TET3: variants seen among roughly 807,000 people sequenced by gnomAD.
TET3 encodes tet methylcytosine dioxygenase 3, also known as methylcytosine dioxygenase TET3.
A neutral mutation model predicts 141.4 loss-of-function variants in TET3; 19 were observed. The observed-to-expected ratio is 0.13, with a 90% CI of 0.09 to 0.20. TET3 has a LOEUF of 0.20. TET3 is among the 10% of genes least tolerant of loss of function. TET3 has a pLI of 1.00. For missense variants in TET3, 1,874 were observed against 2,356.9 expected, an observed-to-expected ratio of 0.80 and a Z score of 4.24; for synonymous variants, 1,043 against 980.9, an observed-to-expected ratio of 1.06 and a Z score of -1.18.
intron 2 of TET3, among the ~76,000 whole-genome samples, chr2:73,998,104 G>T (rs1385788119): frequency 6.6e-6 from 1 of 152,174 alleles, no homozygotes; most frequent in Non-Finnish European, 1.5e-5. Flanking sequence ...ACAGATTGCT[G>T]GGTACCGCGT....
At chr2:74,040,773 G>A (rs1475995932) in intron 3 of TET3, among the ~76,000 whole-genome samples, 1 of 152,156 alleles carries the variant, frequency 6.6e-6, no homozygotes, top group Non-Finnish European at 1.5e-5. Context: ...GCTGGGCATG[G>A]TGGTGCATAC....
chr2:74,099,255 C>T, intron 10 of TET3, 21 bp from the exon 11 acceptor site: 1 of 1,552,560 alleles, frequency 6.4e-7, no homozygotes, highest in Non-Finnish European at 8.7e-7. Flanking sequence ...CATGTCCTCT[C>T]TCCCCCACTG....
At chr2:74,020,358 AT>A (rs1282477446) in intron 3 of TET3, among the ~76,000 whole-genome samples, 1 of 151,938 alleles carries the variant, frequency 6.6e-6, no homozygotes, top group Non-Finnish European at 1.5e-5. Flanking sequence ...TATTCTTTGT[AT>A]TTTTTTAGAG....
intron 3 of TET3, among the ~76,000 whole-genome samples, chr2:74,025,155 C>G (rs1477490621): frequency 7.2e-6 from 1 of 138,876 alleles, no homozygotes; most frequent in Non-Finnish European, 1.5e-5. Context: ...ACCCGGGAGG[C>G]GGAGCTTGCA....
chr2:74,072,565 G>T (rs942811836), intron 4 of TET3, among the ~76,000 whole-genome samples: 1 of 151,422 alleles, frequency 6.6e-6, no homozygotes, highest in African/African-American at 2.4e-5. Context: ...GCATGTATCA[G>T]AACTTCTTTT....
intron 5 of TET3, among the ~76,000 whole-genome samples, chr2:74,079,294 C>T (rs759424885): frequency 2.6e-5 from 4 of 152,016 alleles, no homozygotes; most frequent in South Asian, 2.1e-4. Context: ...TGCAATGAGC[C>T]GAGATTGCAC....
the TET3 span, among the ~76,000 whole-genome samples, chr2:74,131,399 A>G: frequency 3.3e-5 from 5 of 152,188 alleles, no homozygotes; most frequent in African/African-American, 1.2e-4. Context: ...TCCGCGGGTC[A>G]TTCACTCACC....
At chr2:74,125,774 A>G in the TET3 span, among the ~76,000 whole-genome samples, 1 of 151,948 alleles carries the variant, frequency 6.6e-6, no homozygotes, top group Admixed American at 6.6e-5. Context: ...GCCTCAAGCA[A>G]TCCTCTTGCC....
At chr2:74,058,106 G>C (rs1453511392) in intron 4 of TET3, among the ~76,000 whole-genome samples, 1 of 152,148 alleles carries the variant, frequency 6.6e-6, no homozygotes. Flanking sequence ...TCCAGAAGAA[G>C]CATGCCATTA....
At chr2:74,092,367 C>T (rs1690548110) in intron 8 of TET3, among the ~76,000 whole-genome samples, 1 of 152,038 alleles carries the variant, frequency 6.6e-6, no homozygotes, top group Non-Finnish European at 1.5e-5. Context: ...AATAACATTA[C>T]GTAGTACGAG....
chr2:74,032,734 A>G (rs2105301353), intron 3 of TET3, among the ~76,000 whole-genome samples: 1 of 152,222 alleles, frequency 6.6e-6, no homozygotes, highest in Non-Finnish European at 1.5e-5. Flanking sequence ...TCAAGAGGCT[A>G]GGGGTGGGGC....
chr2:74,060,911 C>T (rs1688477042), intron 4 of TET3, among the ~76,000 whole-genome samples: 1 of 152,228 alleles, frequency 6.6e-6, no homozygotes, highest in Non-Finnish European at 1.5e-5. Context: ...CCCATGTCTA[C>T]CTCTTTCTAC....
Position 74,101,399 on chromosome 2 carries a change from G to A in TET3, c.4611G>A (p.Leu1537=), listed in dbSNP as rs1221379700. 6.2e-6 allele frequency: 10 copies of A among 1,613,842 alleles called. No homozygotes were observed. In the African/African-American group the frequency reaches 8.0e-5, roughly 13 times the overall value. The change falls in exon 12 of 12, where the codon CTG becomes CTA. Residue 1537 remains leucine, a synonymous_variant. Transcript: ENST00000409262. This position sits in a 1 kb window ranked among gnomAD's most constrained non-coding sequence, Gnocchi z 8.5. ...GPSLTEKPWA[L]GAGDFNSALK... is the part of the protein sequence containing the mutation. ...GCCTGACTGAGAAGCCGTGGGCGCT[G>A]GGGGCAGGGGATTTCAACTCGGCCC...
At chr2:74,030,742 G>C (rs1481074606) in intron 3 of TET3, among the ~76,000 whole-genome samples, 1 of 152,156 alleles carries the variant, frequency 6.6e-6, no homozygotes, top group Admixed American at 6.5e-5. Context: ...GTAGTGTTCT[G>C]GGGTGGAAGC....
intron 4 of TET3, among the ~76,000 whole-genome samples, chr2:74,068,113 C>T (rs1432561947): frequency 6.6e-5 from 10 of 152,218 alleles, no homozygotes; most frequent in Admixed American, 6.5e-4. Context: ...TAGACGCCGT[C>T]AGTGGCAAGC....
At chr2:74,086,881 A>T (rs1690191570) in intron 6 of TET3, among the ~76,000 whole-genome samples, 1 of 151,970 alleles carries the variant, frequency 6.6e-6, no homozygotes, top group Admixed American at 6.6e-5. Context: ...CATTAAGTAC[A>T]TTCACGTTGT....
At chr2:74,092,326 T>C (rs952322756) in intron 8 of TET3, among the ~76,000 whole-genome samples, 2 of 152,042 alleles carry the variant, frequency 1.3e-5, no homozygotes, top group Admixed American at 6.5e-5. Flanking sequence ...TTAGAATTCA[T>C]CTGTATTTCT....
At chr2:74,015,225 A>G (rs1191207486) in intron 3 of TET3, among the ~76,000 whole-genome samples, 2 of 152,242 alleles carry the variant, frequency 1.3e-5, no homozygotes, top group African/African-American at 4.8e-5. Flanking sequence ...ATAGGCAGGG[A>G]GAGGAAGAAA....
the TET3 span, chr2:74,135,232 T>C: frequency 2.8e-6 from 1 of 356,002 alleles, no homozygotes. Flanking sequence ...GATCTTTTCT[T>C]TGTTTCAGTA....
Sources: allele counts gnomAD v4.1 joint callset (sites outside exome capture counted in the v4.1 genomes callset), GRCh38; gene constraint gnomAD v4.1.1; non-coding constraint Gnocchi (gnomAD v3.1); transcripts MANE v1.5; gene names NCBI Gene and HGNC (gene_info 2026-07-23, HGNC 2026-07-21).